Variants in TIAM1 observed in about 807,000 individuals in gnomAD.
TIAM1 encodes rho guanine nucleotide exchange factor TIAM1.
TIAM1 carries 65 observed loss-of-function variants against 163.5 expected under a neutral mutation model. The ratio of observed to expected loss-of-function variants is 0.40; its 90% CI spans 0.33 to 0.49. The LOEUF is 0.49. TIAM1 is among the 20% of genes least tolerant of loss of function. The pLI is 0.77. For synonymous variants in TIAM1, 833 were observed against 810.1 expected, an observed-to-expected ratio of 1.03 and a Z score of -0.48; for missense variants, 1,789 against 2,044.7, an observed-to-expected ratio of 0.87 and a Z score of 2.41.
intron 2 of TIAM1, among the ~76,000 whole-genome samples, chr21:31,416,562 A>T (rs569668033): frequency 1.3e-5 from 2 of 152,252 alleles, no homozygotes; most frequent in South Asian, 4.1e-4. Flanking sequence ...TATAAGTGAG[A>T]ACATACAATA....
chr21:31,152,093 T>C (rs2083404714), intron 19 of TIAM1, among the ~76,000 whole-genome samples: 1 of 147,974 alleles, frequency 6.8e-6, no homozygotes, highest in African/African-American at 2.5e-5. Context: ...AGAGCAGTGC[T>C]GCAATCTCGG....
At chr21:31,364,358 C>T (rs1175840328) in intron 2 of TIAM1, among the ~76,000 whole-genome samples, 1 of 152,156 alleles carries the variant, frequency 6.6e-6, no homozygotes, top group Non-Finnish European at 1.5e-5. Context: ...ATGAATGAGG[C>T]ACCATTTCTC....
intron 2 of TIAM1, among the ~76,000 whole-genome samples, chr21:31,388,777 A>G (rs180862883): frequency 6.6e-6 from 1 of 152,388 alleles, no homozygotes; most frequent in East Asian, 1.9e-4. Context: ...TAATAATTGA[A>G]TCTACATCAC....
chr21:31,229,664 T>C (rs2088287430), intron 6 of TIAM1, among the ~76,000 whole-genome samples: 1 of 152,000 alleles, frequency 6.6e-6, no homozygotes, highest in Non-Finnish European at 1.5e-5. Context: ...CCCCTTTTTT[T>C]TTTGAGATGG....
chr21:31,334,526 G>T (rs2075781181), intron 2 of TIAM1, among the ~76,000 whole-genome samples: 1 of 152,054 alleles, frequency 6.6e-6, no homozygotes, highest in Non-Finnish European at 1.5e-5. Flanking sequence ...CACTGATAAG[G>T]GCACCTAACT....
At chr21:31,511,123 C>G (rs537360497) in intron 1 of TIAM1, among the ~76,000 whole-genome samples, 3 of 152,154 alleles carry the variant, frequency 2.0e-5, no homozygotes, top group Admixed American at 6.5e-5. Context: ...GAACCAATGC[C>G]GCGGGCACCC....
Position 31,182,648 on chromosome 21 carries a change from G to A in TIAM1, c.2663-3C>T. On this transcript the variant is annotated splice_region_variant and splice_polypyrimidine_tract_variant and intron_variant, in intron 14 of 27. Coordinates refer to ENST00000541036, the MANE Select transcript of TIAM1 (RefSeq NM_001353694.2). ...AATCTCATCTCCTGCTTTCAGGCCT[G>A]CCAACGCAAGATGGAAAATTTTTAA... The A allele has an allele frequency of 6.2e-7, 1 of 1,607,664 alleles. No homozygotes were observed.
At chr21:31,530,080 C>T (rs1362291875) in intron 1 of TIAM1, among the ~76,000 whole-genome samples, 2 of 152,232 alleles carry the variant, frequency 1.3e-5, no homozygotes, top group South Asian at 2.1e-4. Flanking sequence ...AGGAACTTAA[C>T]TCCTTTCTTA....
chr21:31,476,674 G>A (rs192390543), intron 1 of TIAM1, among the ~76,000 whole-genome samples: 12 of 152,246 alleles, frequency 7.9e-5, no homozygotes, highest in East Asian at 1.9e-4. Flanking sequence ...ATCCATGCAC[G>A]GAGGGACGCC....
chr21:31,465,229 G>C (rs2045479602), intron 1 of TIAM1, among the ~76,000 whole-genome samples: 1 of 151,646 alleles, frequency 6.6e-6, no homozygotes, highest in South Asian at 2.1e-4. Context: ...TCTTTTCAAA[G>C]CTAATATATT....
At chr21:31,498,524 T>C (rs1227113581) in intron 1 of TIAM1, among the ~76,000 whole-genome samples, 2 of 152,150 alleles carry the variant, frequency 1.3e-5, no homozygotes, top group East Asian at 3.9e-4. Context: ...CTCTAGTGCT[T>C]TGGGGAAGGA....
intron 3 of TIAM1, among the ~76,000 whole-genome samples, chr21:31,268,364 G>A (rs1179244171): frequency 6.6e-6 from 1 of 152,190 alleles, no homozygotes; most frequent in South Asian, 2.1e-4. Flanking sequence ...CAAAGAGATC[G>A]AAAGAGCCTG....
intron 1 of TIAM1, among the ~76,000 whole-genome samples, chr21:31,512,238 A>G (rs922957968): frequency 1.3e-5 from 2 of 151,474 alleles, no homozygotes; most frequent in Non-Finnish European, 2.9e-5. Flanking sequence ...CTGGGACTAC[A>G]GGCACATATC....
chr21:31,321,328 G>C (rs954913255), intron 2 of TIAM1, among the ~76,000 whole-genome samples: 2 of 126,000 alleles, frequency 1.6e-5, no homozygotes, highest in African/African-American at 6.6e-5. Context: ...TATTTCCCAT[G>C]CTCTACTGTT....
chr21:31,442,066 A>AAAAAAAAAAAAAAAAAAATAT (rs1202451553), intron 2 of TIAM1, among the ~76,000 whole-genome samples: 5 of 18,786 alleles, frequency 2.7e-4, no homozygotes, highest in African/African-American at 1.2e-3. Flanking sequence ...AGAACAAATA[A>AAAAAAAAAAAAAAAAAAATAT]ATAAATATAT....
At chr21:31,262,030 T>G (rs944664612) in intron 4 of TIAM1, among the ~76,000 whole-genome samples, 2 of 152,160 alleles carry the variant, frequency 1.3e-5, no homozygotes, top group African/African-American at 4.8e-5. Flanking sequence ...GCTATAAGGC[T>G]CCATCAAACG....
intron 15 of TIAM1, among the ~76,000 whole-genome samples, chr21:31,176,776 G>C (rs888042460): frequency 6.6e-6 from 1 of 151,884 alleles, no homozygotes; most frequent in African/African-American, 2.4e-5. Context: ...AAAGGACAGG[G>C]AGCAGTAACC....
At chr21:31,493,611 C>G (rs895372646) in intron 1 of TIAM1, among the ~76,000 whole-genome samples, 2 of 152,162 alleles carry the variant, frequency 1.3e-5, no homozygotes, top group Non-Finnish European at 2.9e-5. Context: ...AGAAGAAAAG[C>G]AGATGGCAAG....
At chr21:31,196,645 G>A (rs1197433502) in intron 12 of TIAM1, among the ~76,000 whole-genome samples, 2 of 152,068 alleles carry the variant, frequency 1.3e-5, no homozygotes, top group African/African-American at 2.4e-5. Flanking sequence ...ATACACTGTT[G>A]TTGGGAATGT....
Sources: gnomAD v4.1 joint callset for allele counts (sites outside exome capture counted in the v4.1 genomes callset) on GRCh38, gnomAD v4.1.1 for gene constraint, MANE v1.5 for transcripts, NCBI Gene and HGNC (gene_info 2026-07-23, HGNC 2026-07-21) for gene names.